SIPA1L3: variants seen among roughly 807,000 people sequenced by gnomAD.
The protein encoded by SIPA1L3 is signal induced proliferation associated 1 like 3.
Under a neutral mutation model 150.1 loss-of-function variants are expected in SIPA1L3, and 59 were observed. The observed-to-expected ratio is 0.39, with a 90% CI of 0.32 to 0.49. The LOEUF is 0.49. Among genes scored for constraint, SIPA1L3 ranks in the 20% least tolerant of loss-of-function variants. The pLI, the probability that SIPA1L3 is intolerant of heterozygous loss-of-function variation, is 0.86. For synonymous variants in SIPA1L3, 1,070 were observed against 1,077.6 expected, an observed-to-expected ratio of 0.99 and a Z score of 0.14; for missense variants, 2,211 against 2,489.5, an observed-to-expected ratio of 0.89 and a Z score of 2.38.
intron 15 of SIPA1L3, among the ~76,000 whole-genome samples, chr19:38,174,176 T>G (rs532187995): frequency 6.6e-6 from 1 of 152,148 alleles, no homozygotes; most frequent in Non-Finnish European, 1.5e-5. Flanking sequence ...AGCAGTGGCT[T>G]GATTGGTATC....
At chr19:37,922,136 G>A (rs8106132) in intron 1 of SIPA1L3, among the ~76,000 whole-genome samples, 3,930 of 152,072 alleles carry the variant, frequency 0.026, 167 homozygotes, top group African/African-American at 0.089. Flanking sequence ...CCAGGCCGGA[G>A]TGAACTGGTA....
intron 15 of SIPA1L3, among the ~76,000 whole-genome samples, chr19:38,165,996 A>T (rs1250074047): frequency 6.6e-6 from 1 of 151,988 alleles, no homozygotes; most frequent in Non-Finnish European, 1.5e-5. Context: ...CTCCTGACCT[A>T]AAGGGATCCT....
At chr19:38,127,569 C>T (rs1331298744) in intron 9 of SIPA1L3, among the ~76,000 whole-genome samples, 2 of 152,122 alleles carry the variant, frequency 1.3e-5, no homozygotes, top group African/African-American at 2.4e-5. Context: ...TCGCTCACTG[C>T]AGTGTCACTC....
chr19:38,197,877 C>T (rs1972997000), intron 18 of SIPA1L3, among the ~76,000 whole-genome samples: 1 of 148,286 alleles, frequency 6.7e-6, no homozygotes, highest in Non-Finnish European at 1.5e-5. Context: ...CCCAAATCCC[C>T]CCCCAAACAC....
intron 2 of SIPA1L3, among the ~76,000 whole-genome samples, chr19:38,037,473 A>G (rs906265707): frequency 2.0e-5 from 3 of 152,174 alleles, no homozygotes; most frequent in Non-Finnish European, 2.9e-5. Flanking sequence ...TGGGAGAGGT[A>G]GGTGGGGGCA....
intron 1 of SIPA1L3, among the ~76,000 whole-genome samples, chr19:37,991,880 C>G (rs2145636802): frequency 6.6e-6 from 1 of 152,330 alleles, no homozygotes; most frequent in East Asian, 1.9e-4. Context: ...ACACTGCAGG[C>G]AGCTGGGTTC....
At chr19:38,153,359 G>C (rs879385118) in intron 13 of SIPA1L3, among the ~76,000 whole-genome samples, 6 of 152,150 alleles carry the variant, frequency 3.9e-5, no homozygotes, top group Non-Finnish European at 7.3e-5. Flanking sequence ...AACTTTTATG[G>C]ACATACGGCA....
intron 15 of SIPA1L3, among the ~76,000 whole-genome samples, chr19:38,177,372 A>T (rs1024599088): frequency 2.0e-5 from 3 of 151,368 alleles, no homozygotes; most frequent in African/African-American, 7.3e-5. Flanking sequence ...AAAAAAAAAA[A>T]AAAAATTCTA....
chr19:37,975,272 G>A (rs886729076), intron 1 of SIPA1L3, among the ~76,000 whole-genome samples: 3 of 152,214 alleles, frequency 2.0e-5, no homozygotes, highest in African/African-American at 4.8e-5. Flanking sequence ...CCCAGGGCCT[G>A]ACCCGGGGAC....
chr19:38,110,234 G>C lies in SIPA1L3; in HGVS notation c.2141G>C (p.Arg714Pro). Residue 714 changes from arginine (R) to proline (P), a missense_variant, in exon 8 of 22, where the codon CGG becomes CCG. This residue lies in a region of SIPA1L3 where 625 missense variants were observed against 804.2 expected (regional missense o/e 0.78). Coordinates refer to ENST00000222345, the MANE Select transcript of SIPA1L3 (RefSeq NM_015073.3). ...TCTGTTGCCCTTTCCCAGCTGCTAC[G>C]GAAGAGGCACATAGGAAATGACATC... ...YTPNNRQQLL[R>P]KRHIGNDIVT... The C allele has an allele frequency of 6.2e-7, 1 of 1,613,990 alleles. No individual in the cohort carries two copies. Among genetic ancestry groups the C allele is most frequent in the Non-Finnish European group, 8.5e-7 (1 of 1,179,936 alleles).
At chr19:38,191,778 T>G (rs1414390480) in intron 16 of SIPA1L3, among the ~76,000 whole-genome samples, 1 of 151,952 alleles carries the variant, frequency 6.6e-6, no homozygotes, top group Non-Finnish European at 1.5e-5. Flanking sequence ...ACCACTGCAC[T>G]CCAGCCTGGG....
intron 15 of SIPA1L3, among the ~76,000 whole-genome samples, chr19:38,174,743 G>T (rs113202846): frequency 6.6e-6 from 1 of 151,808 alleles, no homozygotes. Flanking sequence ...CCAGAGACTC[G>T]AGAGGCTGAG....
At chr19:37,927,750 G>A (rs1022847308) in intron 1 of SIPA1L3, among the ~76,000 whole-genome samples, 3 of 151,374 alleles carry the variant, frequency 2.0e-5, no homozygotes, top group African/African-American at 4.9e-5. Context: ...GTGTGTGTAC[G>A]TGTACGCAAT....
At chr19:37,994,873 C>T (rs1318452135) in intron 1 of SIPA1L3, among the ~76,000 whole-genome samples, 1 of 152,188 alleles carries the variant, frequency 6.6e-6, no homozygotes, top group Non-Finnish European at 1.5e-5. Context: ...TTGCAAACAT[C>T]CTGGAGGAGA....
At chr19:37,949,925 A>G (rs1051741701) in intron 1 of SIPA1L3, among the ~76,000 whole-genome samples, 1 of 151,494 alleles carries the variant, frequency 6.6e-6, no homozygotes, top group Middle Eastern at 3.2e-3. Flanking sequence ...AAAAATACAA[A>G]AATTACCTGG....
At chr19:38,016,508 CT>C (rs1968235282) in intron 1 of SIPA1L3, among the ~76,000 whole-genome samples, 1 of 151,958 alleles carries the variant, frequency 6.6e-6, no homozygotes, top group South Asian at 2.1e-4. Context: ...TTCACGTCTT[CT>C]TTTTTGAGAT....
intron 2 of SIPA1L3, among the ~76,000 whole-genome samples, chr19:38,041,109 CT>C (rs11419928): frequency 9.3e-4 from 121 of 130,034 alleles, no homozygotes; most frequent in Middle Eastern, 4.1e-3. Flanking sequence ...ATTATTATTA[CT>C]TTTTTTTTTT....
intron 5 of SIPA1L3, among the ~76,000 whole-genome samples, chr19:38,100,685 C>T (rs1343091208): frequency 6.6e-6 from 1 of 152,244 alleles, no homozygotes; most frequent in African/African-American, 2.4e-5. Context: ...TGACTATAAG[C>T]CTTGAGCCCT....
chr19:38,000,910 A>ATATATATGTTAT (rs370268710), intron 1 of SIPA1L3, among the ~76,000 whole-genome samples: 1 of 79,192 alleles, frequency 1.3e-5, no homozygotes, highest in African/African-American at 6.0e-5. Flanking sequence ...ATATATATAT[A>ATATATATGTTAT]ACATATATAT....
Sources: allele counts gnomAD v4.1 joint callset (sites outside exome capture counted in the v4.1 genomes callset), GRCh38; gene constraint gnomAD v4.1.1; regional missense constraint gnomAD v4.1.1; transcripts MANE v1.5; gene names NCBI Gene and HGNC (gene_info 2026-07-23, HGNC 2026-07-21).